The following DNM1 variants were observed in gnomAD, a reference collection of about 807,000 sequenced individuals.
DNM1 encodes dynamin 1.
A neutral mutation model predicts 104.6 loss-of-function variants in DNM1; 29 were observed. The ratio of observed to expected loss-of-function variants is 0.28; its 90% CI spans 0.21 to 0.38. The LOEUF (loss-of-function observed/expected upper bound fraction) is 0.38. DNM1 is among the 10% of genes least tolerant of loss of function. The pLI, the probability that DNM1 is intolerant of heterozygous loss-of-function variation, is 1.00. For synonymous variants in DNM1, 445 were observed against 475.8 expected (o/e 0.94, Z 0.84); for missense variants, 640 against 1,189.4 (o/e 0.54, Z 6.79).
At chr9:128,238,715 G>A (rs1418992315) in intron 11 of DNM1, among the ~76,000 whole-genome samples, 2 of 150,462 alleles carry the variant, frequency 1.3e-5, no homozygotes, top group African/African-American at 4.9e-5. Flanking sequence ...GAGTGCAGTG[G>A]TGCCATCTCA....
At position 128,253,242 on chromosome 9, in the gene DNM1, C is replaced by A; in HGVS notation, c.2535-1412C>A. 9.3e-7 allele frequency: 1 copy of A among 1,075,916 alleles called. No individual in the cohort carries two copies. Among genetic ancestry groups the A allele is most frequent in the Non-Finnish European group, 1.4e-6 (1 of 723,196 alleles). The allele number at this position is 1,075,916 out of a possible 1,614,324, so 66.6% of individuals were successfully genotyped here. ...GGACCTCAGAGCCAGGCTCCCCGCCCCTCCCTTCTGCAGCTGCAGACTTGC... is the reference window on the plus strand; with the variant it reads ...GGACCTCAGAGCCAGGCTCCCCGCCACTCCCTTCTGCAGCTGCAGACTTGC... On this transcript the variant is annotated intron_variant, in intron 21 of 21. Transcript: ENST00000372923. The surrounding 1 kb of genome is among the most constrained non-coding windows in gnomAD (Gnocchi z 5.9).
rs73672440 is a variant in DNM1, at chr9:128,209,698, C to G, written c.161+6067C>G. On this transcript the variant is annotated intron_variant, in intron 1 of 21. Transcript: ENST00000372923. ...CCCCGTCATTTCCCTCTTTATCCCT[C>G]CAGGGTTCACTTGTGAACACCCCAG... is the stretch of plus-strand genomic sequence containing the variant. Among the ~76,000 whole-genome samples the G allele has an allele frequency of 3.9e-3, 601 of 152,332 alleles. 2 individuals are homozygous for G. The highest frequency in any genetic ancestry group is 0.014 in the African/African-American group (568 of 41,568).
rs1050456592 is a variant in DNM1, at chr9:128,253,985, T to C, written c.2535-669T>C. On this transcript the variant is annotated intron_variant, in intron 21 of 21. Coordinates refer to ENST00000372923, the MANE Select transcript of DNM1 (RefSeq NM_004408.4). The surrounding 1 kb of genome is among the most constrained non-coding windows in gnomAD (Gnocchi z 5.9). Reference sequence around the variant, plus strand: ...CCCCCCATTCTCCTGCCACTGACTCTCGCTCTTCTGCTTTTCCCAGCAGGA... The same window carrying C: ...CCCCCCATTCTCCTGCCACTGACTCCCGCTCTTCTGCTTTTCCCAGCAGGA... 4.1e-6 allele frequency: 5 copies of C among 1,233,936 alleles called. No homozygotes were observed. The African/African-American group carries it at 7.8e-5, about 19-fold the overall frequency. 76.4% of individuals were successfully genotyped at this position (1,233,936 alleles called of 1,614,324 possible). A position where few individuals can be genotyped will look rare whatever the true frequency, so the allele number is the denominator to read the frequency against.
At chr9:128,242,564 A>G (rs987176402) in intron 15 of DNM1, among the ~76,000 whole-genome samples, 10 of 152,194 alleles carry the variant, frequency 6.6e-5, no homozygotes, top group Non-Finnish European at 1.3e-4. Context: ...GTCCGAGACC[A>G]GCCCGGCCAA....
At position 128,246,464 on chromosome 9, in the gene DNM1, C is replaced by A. The variant is rs1836819300; in HGVS notation, c.1742C>A (p.Ser581Ter). 6.2e-7 allele frequency: 1 copy of A among 1,613,958 alleles called. No homozygotes were observed. The highest frequency in any genetic ancestry group is 8.5e-7 in the Non-Finnish European group (1 of 1,179,980). ...CGGGACGTGGAGAAGGGCTTTATGTCGAGCAAGCATATCTTTGCCCTCTTT... is the reference window on the plus strand; with the variant it reads ...CGGGACGTGGAGAAGGGCTTTATGTAGAGCAAGCATATCTTTGCCCTCTTT... ...KLRDVEKGFM[S>*]SKHIFALFNT... The change falls in exon 16 of 22, where the codon TCG (serine) becomes TAG (stop). Residue 581 changes from serine to a stop codon, truncating the protein, a stop_gained. Coordinates refer to ENST00000372923, the MANE Select transcript of DNM1 (RefSeq NM_004408.4). LOFTEE classifies it high-confidence loss of function.
In DNM1 at chr9:128,218,165, G is replaced by T; in HGVS notation, c.162-66G>T. The stretch of plus-strand genomic sequence containing the variant: ...CTTTGGCTTTCCCAGGGGCCGGACA[G>T]GTACCCCTGGGACAGAGGGCGCCCC... On this transcript the variant is annotated intron_variant, in intron 1 of 21. Coordinates refer to ENST00000372923, the MANE Select transcript of DNM1 (RefSeq NM_004408.4). The surrounding 1 kb of genome is among the most constrained non-coding windows in gnomAD (Gnocchi z 4.8). The T allele has an allele frequency of 6.7e-7, 1 of 1,495,620 alleles. No homozygotes were observed. Among genetic ancestry groups the T allele is most frequent in the Middle Eastern group, 1.7e-4 (1 of 5,850 alleles). 92.6% of individuals were successfully genotyped at this position (1,495,620 alleles called of 1,614,324 possible).
Position 128,203,639 on chromosome 9 carries a change from C to T in DNM1, c.161+8C>T, listed in dbSNP as rs931414082. ...CGAGAATTTCGTAGGCAGGTAGGCG[C>T]GGCGCGCCCCCAGGCGCCGACCCCC... On this transcript the variant is annotated splice_region_variant and intron_variant, in intron 1 of 21. Transcript: ENST00000372923. This position sits in a 1 kb window ranked among gnomAD's most constrained non-coding sequence, Gnocchi z 5.3. 3 of 1,518,330 alleles carry T rather than the reference C, an allele frequency of 2.0e-6. No homozygotes were observed. Among genetic ancestry groups the T allele is most frequent in the Middle Eastern group, 2.3e-4 (1 of 4,356 alleles). 94.1% of individuals were successfully genotyped at this position (1,518,330 alleles called of 1,614,324 possible).
Position 128,235,822 on chromosome 9 carries a change from C to T in DNM1, c.1422+1715C>T, listed in dbSNP as rs78535797. On this transcript the variant is annotated intron_variant, in intron 11 of 21. Transcript: ENST00000372923. The stretch of plus-strand genomic sequence containing the variant: ...CTCGACCTCCCAGGCTCAAGCGATC[C>T]TCCGACTTTAGCCTCCCGAGTAGCT... Among the ~76,000 whole-genome samples the T allele has an allele frequency of 4.7e-3, 719 of 152,256 alleles. 4 individuals are homozygous for T. The highest frequency in any genetic ancestry group is 0.017 in the African/African-American group (687 of 41,548).
In DNM1 at chr9:128,248,346, G is replaced by A; in HGVS notation, c.1906-237G>A. 1 of 526,076 alleles carries A rather than the reference G, an allele frequency of 1.9e-6. No individual in the cohort carries two copies. Among genetic ancestry groups the A allele is most frequent in the South Asian group, 2.8e-5 (1 of 35,944 alleles). The allele number at this position is 526,076 out of a possible 1,614,324, so 32.6% of individuals were successfully genotyped here. On this transcript the variant is annotated intron_variant, in intron 18 of 21. Coordinates refer to ENST00000372923, the MANE Select transcript of DNM1 (RefSeq NM_004408.4). This position sits in a 1 kb window ranked among gnomAD's most constrained non-coding sequence, Gnocchi z 5.6. Reference sequence around the variant, plus strand: ...CAAAATAATAATAATAATAATTTCTGGATTGGGAAATTGAGGCAAATTCTA... The same window carrying A: ...CAAAATAATAATAATAATAATTTCTAGATTGGGAAATTGAGGCAAATTCTA...
rs1829649001 is a variant in DNM1 at position 128,253,365 on chromosome 9, C to T, written c.2535-1289C>T. 1.7e-6 allele frequency: 1 copy of T among 573,932 alleles called. No individual in the cohort carries two copies. The highest frequency in any genetic ancestry group is 3.1e-6 in the Non-Finnish European group (1 of 321,434). The allele number at this position is 573,932 out of a possible 1,614,324, so 35.6% of individuals were successfully genotyped here. A position where few individuals can be genotyped will look rare whatever the true frequency, so the allele number is the denominator to read the frequency against. On this transcript the variant is annotated intron_variant, in intron 21 of 21. Transcript: ENST00000372923. The surrounding 1 kb of genome is among the most constrained non-coding windows in gnomAD (Gnocchi z 5.9). ...ACTGCCCAAGGCCTCCATGGCTGAG[C>T]CTGGAGGCTCTTGGAACAGGCTCCG...
chr9:128,245,443 C>G lies in DNM1; in HGVS notation c.1672-951C>G, dbSNP rs901859367. Among the ~76,000 whole-genome samples the G allele has an allele frequency of 2.6e-5, 4 of 151,954 alleles. No homozygotes were observed. Among genetic ancestry groups the G allele is most frequent in the Non-Finnish European group, 1.5e-5 (1 of 67,976 alleles). ...CATGGGTGACAAAAACCCCTCCCCT[C>G]TCCCAGAGCCCCATCCTGGGGTACC... On this transcript the variant is annotated intron_variant, in intron 15 of 21. Coordinates refer to ENST00000372923, the MANE Select transcript of DNM1 (RefSeq NM_004408.4). This position sits in a 1 kb window ranked among gnomAD's most constrained non-coding sequence, Gnocchi z 5.2.
At chr9:128,233,054 G>A (rs145935115) in intron 10 of DNM1, among the ~76,000 whole-genome samples, 8 of 152,318 alleles carry the variant, frequency 5.3e-5, no homozygotes, top group Admixed American at 3.3e-4. Context: ...GCTGAAGTCC[G>A]GCAGAACCTT....
rs1356459637 is a variant in DNM1, at chr9:128,203,933, C to A, written c.161+302C>A. On this transcript the variant is annotated intron_variant, in intron 1 of 21. Coordinates refer to ENST00000372923, the MANE Select transcript of DNM1 (RefSeq NM_004408.4). This position sits in a 1 kb window ranked among gnomAD's most constrained non-coding sequence, Gnocchi z 5.3. The stretch of plus-strand genomic sequence containing the variant: ...CCAGAAGCCCCGGGCAAAGAGCTGC[C>A]CCCCGCCCCCAACATGGGCATGGAG... 4 of 194,416 alleles carry A rather than the reference C, an allele frequency of 2.1e-5. No homozygotes were observed. The highest frequency in any genetic ancestry group is 1.3e-4 in the East Asian group (1 of 7,908). 12.0% of individuals were successfully genotyped at this position (194,416 alleles called of 1,614,324 possible). A position where few individuals can be genotyped will look rare whatever the true frequency, so the allele number is the denominator to read the frequency against.
chr9:128,245,114 G>A lies in DNM1; in HGVS notation c.1672-1280G>A, dbSNP rs140712662. On this transcript the variant is annotated intron_variant, in intron 15 of 21. Transcript: ENST00000372923. This position sits in a 1 kb window ranked among gnomAD's most constrained non-coding sequence, Gnocchi z 5.2. ...AGTGTCCAACCCCGAAGCACAGGGC[G>A]GGTGGTGGCGGGGCCTCTCTCGAAC... 6 of 221,168 alleles carry A rather than the reference G, an allele frequency of 2.7e-5. No homozygotes were observed. Among genetic ancestry groups the A allele is most frequent in the South Asian group, 5.4e-5 (1 of 18,588 alleles). 13.7% of individuals were successfully genotyped at this position (221,168 alleles called of 1,614,324 possible).
intron 1 of DNM1, among the ~76,000 whole-genome samples, chr9:128,208,339 G>A (rs1409504930): frequency 6.6e-6 from 1 of 152,158 alleles, no homozygotes; most frequent in Non-Finnish European, 1.5e-5. Context: ...GATTACAAGT[G>A]TGAGCCATAG....
chr9:128,241,453 CT>C (rs1313251910), intron 14 of DNM1, among the ~76,000 whole-genome samples: 2 of 152,316 alleles, frequency 1.3e-5, no homozygotes, highest in African/African-American at 4.8e-5. Context: ...GCCCTTGCCC[CT>C]GGGGACCTGG....
chr9:128,254,010 A>G lies in DNM1; in HGVS notation c.2535-644A>G. 4 of 1,234,192 alleles carry G rather than the reference A, an allele frequency of 3.2e-6. No homozygotes were observed. The highest frequency in any genetic ancestry group is 3.0e-6 in the Non-Finnish European group (3 of 989,598). 76.5% of individuals were successfully genotyped at this position (1,234,192 alleles called of 1,614,324 possible). ...TCGCTCTTCTGCTTTTCCCAGCAGG[A>G]AGGGCCCAGCCTCACCTACGAGACC... On this transcript the variant is annotated intron_variant, in intron 21 of 21. Transcript: ENST00000372923. This position sits in a 1 kb window ranked among gnomAD's most constrained non-coding sequence, Gnocchi z 6.1.
At chr9:128,252,878 G>T in intron 21 of DNM1, 1 of 684,504 alleles carries the variant, frequency 1.5e-6, no homozygotes, top group Non-Finnish European at 2.7e-6. Context: ...GATCCATGCT[G>T]CACGCGCCGC....
At position 128,220,813 on chromosome 9, in the gene DNM1, C is replaced by T. The variant is rs1032243930; in HGVS notation, c.849+472C>T. 2.7e-5 allele frequency among the ~76,000 whole-genome samples: 4 copies of T among 150,258 alleles called. No individual in the cohort carries two copies. Among genetic ancestry groups the T allele is most frequent in the African/African-American group, 9.7e-5 (4 of 41,150 alleles). ...TGTAGGCAAGACCTGGTTTCCAATCCCAGTTTTGTCACTCCCCCTCTGAGA... is the reference window on the plus strand; with the variant it reads ...TGTAGGCAAGACCTGGTTTCCAATCTCAGTTTTGTCACTCCCCCTCTGAGA... On this transcript the variant is annotated intron_variant, in intron 6 of 21. Transcript: ENST00000372923. This position sits in a 1 kb window ranked among gnomAD's most constrained non-coding sequence, Gnocchi z 5.2.
Sources: allele counts gnomAD v4.1 joint callset (sites outside exome capture counted in the v4.1 genomes callset), GRCh38; gene constraint gnomAD v4.1.1; non-coding constraint Gnocchi (gnomAD v3.1); transcripts MANE v1.5; gene names NCBI Gene and HGNC (gene_info 2026-07-23, HGNC 2026-07-21).